The following TRAPPC10 variants were observed in gnomAD, a reference collection of about 807,000 sequenced individuals.
TRAPPC10 encodes TRAPP 130 kDa subunit.
In TRAPPC10, 23 loss-of-function variants were observed where a neutral mutation model predicts 125.5. The observed-to-expected ratio is 0.18, with a 90% confidence interval of 0.13 to 0.26. TRAPPC10 has a LOEUF of 0.26. Ranked by LOEUF, TRAPPC10 falls within the 10% of genes least tolerant of loss-of-function variation. The pLI, the probability that TRAPPC10 is intolerant of heterozygous loss-of-function variation, is 1.00. For synonymous variants in TRAPPC10, 509 were observed against 518.0 expected, an observed-to-expected ratio of 0.98 and a Z score of 0.24; for missense variants, 1,123 against 1,308.4, an observed-to-expected ratio of 0.86 and a Z score of 2.19.
chr21:44,070,802 C>T (rs960401691), intron 7 of TRAPPC10, among the ~76,000 whole-genome samples: 3 of 152,242 alleles, frequency 2.0e-5, no homozygotes, highest in African/African-American at 4.8e-5. Context: ...CGAGCTCTTG[C>T]GTCTCTGCTG....
intron 11 of TRAPPC10, among the ~76,000 whole-genome samples, chr21:44,078,596 G>A (rs936305038): frequency 1.3e-5 from 2 of 152,304 alleles, no homozygotes; most frequent in African/African-American, 4.8e-5. Context: ...CTGGTTTTCC[G>A]GATGTGGTTG....
In TRAPPC10 at chr21:44,063,770, A is replaced by G; in HGVS notation, c.1023A>G (p.Glu341=). ...ALELLHNCVQ[E]LKLLEVSVPP... Reference sequence around the variant, plus strand: ...AGCTGCTGCACAACTGCGTGCAGGAACTGAAGCTCTTAGAAGTGAGTCGGC... The same window carrying G: ...AGCTGCTGCACAACTGCGTGCAGGAGCTGAAGCTCTTAGAAGTGAGTCGGC... Residue 341 remains glutamate, a synonymous_variant, in exon 7 of 23, where the codon GAA becomes GAG. Transcript: ENST00000291574. This position sits in a 1 kb window ranked among gnomAD's most constrained non-coding sequence, Gnocchi z 4.4. The G allele has an allele frequency of 5.0e-6, 8 of 1,613,752 alleles. No individual in the cohort carries two copies. Among genetic ancestry groups the G allele is most frequent in the African/African-American group, 2.7e-5 (2 of 75,030 alleles).
intron 3 of TRAPPC10, among the ~76,000 whole-genome samples, chr21:44,039,438 G>T (rs911667988): frequency 3.3e-5 from 5 of 152,204 alleles, no homozygotes; most frequent in Admixed American, 1.3e-4. Context: ...CTGGGAGCTC[G>T]TTGCCCTTGT....
intron 3 of TRAPPC10, among the ~76,000 whole-genome samples, chr21:44,044,118 A>G (rs886998003): frequency 6.6e-6 from 1 of 152,230 alleles, no homozygotes; most frequent in Admixed American, 6.5e-5. Context: ...ATTGCCTTGA[A>G]TAAGTTGTTA....
At chr21:44,022,194 C>T (rs748538056) in intron 1 of TRAPPC10, among the ~76,000 whole-genome samples, 5 of 151,694 alleles carry the variant, frequency 3.3e-5, no homozygotes, top group African/African-American at 4.8e-5. Context: ...CTGCAACCTC[C>T]GCCTCTCGGG....
At chr21:44,083,680 T>G (rs759468192) in intron 14 of TRAPPC10, among the ~76,000 whole-genome samples, 4 of 152,208 alleles carry the variant, frequency 2.6e-5, no homozygotes, top group Non-Finnish European at 5.9e-5. Flanking sequence ...CTTTTGTGGC[T>G]GGCTGGGTGT....
chr21:44,018,714 G>T (rs934131670), intron 1 of TRAPPC10, among the ~76,000 whole-genome samples: 1 of 150,532 alleles, frequency 6.6e-6, no homozygotes, highest in South Asian at 2.1e-4. Flanking sequence ...AAAAAAGTAT[G>T]TCGGGCATAA....
At chr21:44,047,565 T>TGTGTGTGTGTGCGCGCGC (rs954810521) in intron 3 of TRAPPC10, among the ~76,000 whole-genome samples, 1 of 147,092 alleles carries the variant, frequency 6.8e-6, no homozygotes, top group South Asian at 2.2e-4. Flanking sequence ...TGTGTGTGTG[T>TGTGTGTGTGTGCGCGCGC]GCGCGCACAC....
chr21:44,037,787 T>C lies in TRAPPC10; in HGVS notation c.150-5T>C. On this transcript the variant is annotated splice_region_variant and splice_polypyrimidine_tract_variant and intron_variant, in intron 2 of 22. Coordinates refer to ENST00000291574, the MANE Select transcript of TRAPPC10 (RefSeq NM_003274.5). Reference sequence around the variant, plus strand: ...TTCTCAGTGACTTCAAACAATTGTTTACAGGTCCTATGGCCGGGCTCCGAA... The same window carrying C: ...TTCTCAGTGACTTCAAACAATTGTTCACAGGTCCTATGGCCGGGCTCCGAA... The C allele has an allele frequency of 6.2e-7, 1 of 1,611,662 alleles. No individual in the cohort carries two copies.
intron 2 of TRAPPC10, among the ~76,000 whole-genome samples, chr21:44,037,276 TAA>T (rs1235326415): frequency 6.6e-6 from 1 of 152,212 alleles, no homozygotes; most frequent in East Asian, 1.9e-4. Context: ...GGGTTGAGAA[TAA>T]AGTAGAGGTT....
chr21:44,065,188 T>C (rs544871493), intron 7 of TRAPPC10, among the ~76,000 whole-genome samples: 1 of 152,296 alleles, frequency 6.6e-6, no homozygotes, highest in Non-Finnish European at 1.5e-5. Context: ...TGGAGAGGGC[T>C]GTTAGTTTTG....
At chr21:44,029,235 C>T (rs752239667) in intron 1 of TRAPPC10, among the ~76,000 whole-genome samples, 63 of 152,336 alleles carry the variant, frequency 4.1e-4, no homozygotes, top group Non-Finnish European at 1.8e-4. Context: ...GCTGGGACTA[C>T]AGGCGCCTGC....
chr21:44,068,272 G>A (rs935743568), intron 7 of TRAPPC10, among the ~76,000 whole-genome samples: 1 of 152,182 alleles, frequency 6.6e-6, no homozygotes, highest in Non-Finnish European at 1.5e-5. Flanking sequence ...AGTAGGGGGA[G>A]TAAGAACTCA....
intron 3 of TRAPPC10, among the ~76,000 whole-genome samples, chr21:44,041,978 C>T (rs987403424): frequency 6.6e-5 from 10 of 152,108 alleles, no homozygotes; most frequent in African/African-American, 2.4e-4. Context: ...TCCCAAAGTG[C>T]TGGGATTACA....
rs1355105130 is a variant in TRAPPC10, at chr21:44,082,287, T to A, written c.1724-501T>A. 6.6e-6 allele frequency among the ~76,000 whole-genome samples: 1 copy of A among 152,208 alleles called. No individual in the cohort carries two copies. Among genetic ancestry groups the A allele is most frequent in the Non-Finnish European group, 1.5e-5 (1 of 68,032 alleles). ...CAGCAGCAACTGTAGACCTGGCTGG[T>A]TGCTGCCATCCTGGGCCTGGGGGCA... On this transcript the variant is annotated intron_variant, in intron 13 of 22. Coordinates refer to ENST00000291574, the MANE Select transcript of TRAPPC10 (RefSeq NM_003274.5). This position sits in a 1 kb window ranked among gnomAD's most constrained non-coding sequence, Gnocchi z 4.4.
chr21:44,043,718 G>A (rs951611126), intron 3 of TRAPPC10, among the ~76,000 whole-genome samples: 3 of 152,110 alleles, frequency 2.0e-5, no homozygotes, highest in Admixed American at 1.3e-4. Context: ...TTGAATCTGG[G>A]TGGGCCTCTG....
intron 15 of TRAPPC10, among the ~76,000 whole-genome samples, chr21:44,085,771 G>A (rs1300819340): frequency 6.6e-6 from 1 of 152,090 alleles, no homozygotes; most frequent in Non-Finnish European, 1.5e-5. Flanking sequence ...CATGGCATTT[G>A]AGAAATTCAA....
intron 1 of TRAPPC10, among the ~76,000 whole-genome samples, chr21:44,023,087 C>T (rs987990768): frequency 3.2e-5 from 4 of 126,006 alleles, no homozygotes; most frequent in Admixed American, 9.8e-5. Context: ...TGCTGGAGTG[C>T]AGTGGCTCCA....
At chr21:44,084,052 C>A in intron 14 of TRAPPC10, 70 bp from the exon 15 acceptor site, 1 of 1,584,592 alleles carries the variant, frequency 6.3e-7, no homozygotes, top group South Asian at 1.1e-5. Flanking sequence ...ACCGCTGCAC[C>A]GCGCTACCGC....
Sources: gnomAD v4.1 joint callset for allele counts (sites outside exome capture counted in the v4.1 genomes callset) on GRCh38, gnomAD v4.1.1 for gene constraint, Gnocchi (gnomAD v3.1) non-coding constraint, MANE v1.5 for transcripts, NCBI Gene and HGNC (gene_info 2026-07-23, HGNC 2026-07-21) for gene names.